The following ASPH variants were observed in gnomAD, a reference collection of about 807,000 sequenced individuals.
ASPH encodes aspartyl/asparaginyl beta-hydroxylase.
ASPH carries 100 observed loss-of-function variants against 118.4 expected under a neutral mutation model. The ratio of observed to expected loss-of-function variants is 0.84; its 90% CI spans 0.72 to 1.00. The LOEUF (loss-of-function observed/expected upper bound fraction) is 1.00. ASPH is among the 50% of genes least tolerant of loss of function. The pLI, the probability that ASPH is intolerant of heterozygous loss-of-function variation, is 0.00. For synonymous variants in ASPH, 315 were observed against 325.6 expected (o/e 0.97, Z 0.35); for missense variants, 920 against 919.5 (o/e 1.00, Z -0.01).
At chr8:61,642,803 CCACTG>C (rs1805819604) in intron 10 of ASPH, 80 bp downstream of exon 10, 7 of 1,210,252 alleles carry the variant, frequency 5.8e-6, no homozygotes, top group Non-Finnish European at 7.9e-6. Context: ...CAAGATTGTG[CCACTG>C]CACTGCAGCC....
intron 1 of ASPH, among the ~76,000 whole-genome samples, chr8:61,696,211 G>A (rs1300079014): frequency 6.6e-6 from 1 of 152,174 alleles, no homozygotes; most frequent in Non-Finnish European, 1.5e-5. Context: ...GACTGTCCCT[G>A]TGTAGAAAGG....
chr8:61,695,253 T>A lies in ASPH; in HGVS notation c.104-11065A>T, dbSNP rs561551381. Among the ~76,000 whole-genome samples the A allele has an allele frequency of 1.5e-3, 232 of 152,350 alleles. 1 individual carries two copies. The highest frequency in any genetic ancestry group is 3.5e-3 in the Admixed American group (53 of 15,304). On this transcript the variant is annotated intron_variant, in intron 1 of 24. Coordinates refer to ENST00000379454, the MANE Select transcript of ASPH (RefSeq NM_004318.4). ...TCCATACAGCAGACAAAATATTTTT[T>A]AAATCTGATTATAGCACTGACCTGT... is the stretch of plus-strand genomic sequence containing the variant.
At chr8:61,622,127 CAA>C (rs1437383147) in intron 13 of ASPH, among the ~76,000 whole-genome samples, 1 of 152,148 alleles carries the variant, frequency 6.6e-6, no homozygotes, top group Admixed American at 6.5e-5. Context: ...ATCACAAGGT[CAA>C]GAGATCGAGA....
intron 22 of ASPH, 129 bp downstream of exon 22, chr8:61,525,848 G>T (rs1815126892): frequency 2.3e-6 from 3 of 1,303,334 alleles, no homozygotes; most frequent in Non-Finnish European, 2.1e-6. Flanking sequence ...CAAAAATCTA[G>T]GTTTTTTTGG....
At chr8:61,613,473 T>C (rs1747815128) in intron 14 of ASPH, among the ~76,000 whole-genome samples, 1 of 152,208 alleles carries the variant, frequency 6.6e-6, no homozygotes, top group South Asian at 2.1e-4. Flanking sequence ...CTCTGATTAA[T>C]ATAAGGGGAT....
rs1819173406 is a variant in ASPH at position 61,535,563 on chromosome 8, GA to G, written c.1765-9452del. Among the ~76,000 whole-genome samples the G allele has an allele frequency of 3.9e-5, 6 of 152,210 alleles. No homozygotes were observed. The South Asian group carries it at 1.2e-3, about 32-fold the overall frequency. ...TCTAAATTGAGGAAAGGGATGCTGT[GA>G]AAGGCTATTCTTGGCAAAGTCTGTG... On this transcript the variant is annotated intron_variant, in intron 21 of 24. Transcript: ENST00000379454.
chr8:61,673,842 C>T (rs907239811), intron 3 of ASPH, among the ~76,000 whole-genome samples: 1 of 151,936 alleles, frequency 6.6e-6, no homozygotes, highest in African/African-American at 2.4e-5. Context: ...ACACACAAGC[C>T]TTAGGCACAA....
intron 10 of ASPH, among the ~76,000 whole-genome samples, chr8:61,641,193 T>A (rs1278723519): frequency 1.3e-5 from 2 of 152,240 alleles, no homozygotes; most frequent in Non-Finnish European, 2.9e-5. Context: ...AAATTACATT[T>A]ATTATGATAC....
intron 2 of ASPH, 21 bp downstream of exon 2, chr8:61,684,018 T>A: frequency 6.2e-7 from 1 of 1,611,682 alleles, no homozygotes; most frequent in Non-Finnish European, 8.5e-7. Context: ...CAAATTCACA[T>A]AAGGATATCA....
rs74652458 is a variant in ASPH at position 61,643,923 on chromosome 8, A to G, written c.709+22T>C. On this transcript the variant is annotated intron_variant, in intron 8 of 24. Transcript: ENST00000379454. ...CTGCCTCAATCAGAAAACACATATC[A>G]ATAATTTTAACATTTACAAACCTGG... 1,194 of 1,596,806 alleles carry G rather than the reference A, an allele frequency of 7.5e-4. 13 individuals are homozygous for G. The African/African-American group carries it at 0.014, about 19-fold the overall frequency.
rs780357987 is a variant in ASPH, at chr8:61,567,258, T to A, written c.1210A>T (p.Thr404Ser). 11 of 1,613,998 alleles carry A rather than the reference T, an allele frequency of 6.8e-6. No homozygotes were observed. The highest frequency in any genetic ancestry group is 9.3e-6 in the Non-Finnish European group (11 of 1,180,016). Residue 404 changes from threonine (T) to serine (S), a missense_variant, in exon 17 of 25, where the codon ACC (threonine) becomes TCC (serine). By Grantham distance (58) the Thr-to-Ser change is moderately conservative. Coordinates refer to ENST00000379454, the MANE Select transcript of ASPH (RefSeq NM_004318.4). ...SNEVLRGAIE[T>S]YQEVASLPDV... ...GGTAGGCTGGCCACCTCTTGGTAGG[T>A]CTCGATGGCTCCACGTAGCACCTCA... is the stretch of plus-strand genomic sequence containing the variant.
chr8:61,709,603 T>C (rs1281643671), intron 1 of ASPH, among the ~76,000 whole-genome samples: 3 of 152,218 alleles, frequency 2.0e-5, no homozygotes, highest in Non-Finnish European at 4.4e-5. Flanking sequence ...ACATAGGTTA[T>C]ATGTACATAC....
intron 1 of ASPH, among the ~76,000 whole-genome samples, chr8:61,691,381 G>A (rs2151791582): frequency 6.6e-6 from 1 of 152,278 alleles, no homozygotes; most frequent in East Asian, 1.9e-4. Flanking sequence ...GGTGCCCTCT[G>A]GCCAAGCGTC....
chr8:61,663,933 C>A (rs1818204471), intron 3 of ASPH: 1 of 888,544 alleles, frequency 1.1e-6, no homozygotes, highest in African/African-American at 1.8e-5. Context: ...GTTGAAATAT[C>A]TTTAATTAGA....
chr8:61,608,065 GC>G (rs1203522292), intron 14 of ASPH, among the ~76,000 whole-genome samples: 1 of 152,148 alleles, frequency 6.6e-6, no homozygotes, highest in Non-Finnish European at 1.5e-5. Flanking sequence ...CATATTTGCA[GC>G]ACTGGGAAAG....
intron 24 of ASPH, among the ~76,000 whole-genome samples, chr8:61,508,992 C>T (rs916834880): frequency 2.6e-5 from 4 of 151,416 alleles, no homozygotes; most frequent in Non-Finnish European, 4.4e-5. Context: ...AAACGTAAAA[C>T]TGCATTGTCA....
intron 13 of ASPH, among the ~76,000 whole-genome samples, chr8:61,629,884 G>A (rs1240332849): frequency 6.6e-6 from 1 of 152,148 alleles, no homozygotes; most frequent in Admixed American, 6.5e-5. Context: ...GGATCAATCC[G>A]ATTTCTACCA....
At chr8:61,563,414 T>C (rs1169607692) in intron 17 of ASPH, among the ~76,000 whole-genome samples, 1 of 152,158 alleles carries the variant, frequency 6.6e-6, no homozygotes, top group African/African-American at 2.4e-5. Flanking sequence ...AAATGATACA[T>C]CATCCAGTAT....
chr8:61,703,964 G>A (rs1167899963), intron 1 of ASPH, among the ~76,000 whole-genome samples: 1 of 151,918 alleles, frequency 6.6e-6, no homozygotes, highest in Non-Finnish European at 1.5e-5. Context: ...GGGAGGCCGA[G>A]GCGGGCGGAT....
Sources: allele counts gnomAD v4.1 joint callset (sites outside exome capture counted in the v4.1 genomes callset), GRCh38; gene constraint gnomAD v4.1.1; transcripts MANE v1.5; gene names NCBI Gene and HGNC (gene_info 2026-07-23, HGNC 2026-07-21).